Variants in PITRM1 observed in about 807,000 individuals in gnomAD.
PITRM1 encodes the protein pitrilysin metallopeptidase 1.
A neutral mutation model predicts 129.9 loss-of-function variants in PITRM1; 100 were observed. The ratio of observed to expected loss-of-function variants is 0.77; its 90% CI spans 0.65 to 0.91. The LOEUF is 0.91. PITRM1 is among the 40% of genes least tolerant of loss of function. The pLI, the probability that PITRM1 is intolerant of heterozygous loss-of-function variation, is 0.00. For synonymous variants in PITRM1, 591 were observed against 508.8 expected, an observed-to-expected ratio of 1.16 and a Z score of -2.17; for missense variants, 1,471 against 1,318.3, an observed-to-expected ratio of 1.12 and a Z score of -1.79.
At chr10:3,163,910 A>G (rs372065474) in intron 6 of PITRM1, 25 bp from the exon 7 acceptor site, 70 of 1,527,266 alleles carry the variant, frequency 4.6e-5, no homozygotes, top group Non-Finnish European at 6.0e-5. Context: ...TAAATAAATC[A>G]TAAGTATACA....
chr10:3,160,981 G>C (rs977447025), intron 7 of PITRM1, among the ~76,000 whole-genome samples: 3 of 152,024 alleles, frequency 2.0e-5, no homozygotes, highest in African/African-American at 7.3e-5. Context: ...GGCTGGTCTC[G>C]AACTCCTGAC....
upstream of PITRM1, chr10:3,172,826 G>A (rs750811880): frequency 6.6e-7 from 1 of 1,514,742 alleles, no homozygotes; most frequent in Non-Finnish European, 8.9e-7. Context: ...CCGACGCAGG[G>A]CGCGGGGCGG....
intron 13 of PITRM1, among the ~76,000 whole-genome samples, chr10:3,156,131 A>T (rs1841965521): frequency 1.3e-5 from 2 of 152,240 alleles, no homozygotes; most frequent in African/African-American, 4.8e-5. Flanking sequence ...TCTAGCGTTC[A>T]TTCTACTATT....
At chr10:3,152,576 A>T (rs1226511284) in intron 14 of PITRM1, among the ~76,000 whole-genome samples, 2 of 152,218 alleles carry the variant, frequency 1.3e-5, no homozygotes, top group African/African-American at 4.8e-5. Flanking sequence ...CGCAACTGCC[A>T]TCAATAACCA....
intron 16 of PITRM1, 143 bp downstream of exon 16, chr10:3,149,478 A>G (rs1841276247): frequency 1.3e-6 from 1 of 752,466 alleles, no homozygotes; most frequent in Non-Finnish European, 2.0e-6. Flanking sequence ...AAAATTCTAA[A>G]CCAATATATT....
rs1588663643 is a variant in PITRM1, at chr10:3,149,770, G to A, written c.1739-17C>T. 6.2e-7 allele frequency: 1 copy of A among 1,612,888 alleles called. No homozygotes were observed. The highest frequency in any genetic ancestry group is 1.7e-5 in the Admixed American group (1 of 59,976). On this transcript the variant is annotated splice_polypyrimidine_tract_variant and intron_variant, in intron 15 of 26. Transcript: ENST00000224949. The stretch of plus-strand genomic sequence containing the variant: ...TATCTCCAGCTAGAAAAACAAAAGG[G>A]ATTTAATTTTTATTGCTGCCAGTAA...
chr10:3,157,416 T>A lies in PITRM1; in HGVS notation c.1347+19A>T, dbSNP rs1015141544. The A allele has an allele frequency of 2.0e-6, 3 of 1,484,682 alleles. No individual in the cohort carries two copies. Among genetic ancestry groups the A allele is most frequent in the Non-Finnish European group, 2.8e-6 (3 of 1,084,200 alleles). The allele number at this position is 1,484,682 out of a possible 1,614,324, so 92.0% of individuals were successfully genotyped here. A position where few individuals can be genotyped will look rare whatever the true frequency, so the allele number is the denominator to read the frequency against. On this transcript the variant is annotated intron_variant, in intron 12 of 26. Coordinates refer to ENST00000224949, the MANE Select transcript of PITRM1 (RefSeq NM_014889.4). ...TGTCTATTATAAAACAAAAACAAAA[T>A]TGTTGAGAGATCACTTACTGATGTC...
chr10:3,143,677 G>A (rs1271985534), intron 22 of PITRM1, 176 bp from the exon 23 acceptor site: 2 of 711,982 alleles, frequency 2.8e-6, no homozygotes, highest in South Asian at 3.0e-5. Flanking sequence ...AGGTGCTGGG[G>A]CGCGAGAGCA....
At chr10:3,167,064 G>A (rs777028288) in intron 2 of PITRM1, 22 bp from the exon 3 acceptor site, 133 of 1,472,132 alleles carry the variant, frequency 9.0e-5, no homozygotes, top group Non-Finnish European at 1.2e-4. Flanking sequence ...AGAAAAACAC[G>A]ACCAGTTAAA....
intron 24 of PITRM1, among the ~76,000 whole-genome samples, chr10:3,140,114 C>T (rs1053914749): frequency 6.6e-6 from 1 of 152,126 alleles, no homozygotes; most frequent in Non-Finnish European, 1.5e-5. Flanking sequence ...AGATTAGGTG[C>T]AGCAAGATAT....
intron 3 of PITRM1, among the ~76,000 whole-genome samples, chr10:3,166,701 A>G (rs546918473): frequency 4.5e-4 from 69 of 152,356 alleles, no homozygotes; most frequent in African/African-American, 1.6e-3. Flanking sequence ...TGCAGCCCGC[A>G]TGCTCAGGAT....
intron 14 of PITRM1, among the ~76,000 whole-genome samples, chr10:3,153,969 A>C (rs1841748533): frequency 6.6e-6 from 1 of 152,236 alleles, no homozygotes; most frequent in African/African-American, 2.4e-5. Flanking sequence ...CAACTGTGGC[A>C]AGCTATGAAG....
At chr10:3,142,239 C>A (rs917979301) in intron 23 of PITRM1, among the ~76,000 whole-genome samples, 14 of 152,234 alleles carry the variant, frequency 9.2e-5, no homozygotes, top group Non-Finnish European at 2.1e-4. Flanking sequence ...CATACTTCTA[C>A]AGCCAGCTCT....
At position 3,137,904 on chromosome 10, in the gene PITRM1, A is replaced by T. The variant is rs967853098; in HGVS notation, c.*127T>A. The T allele has an allele frequency of 3.2e-6, 2 of 631,308 alleles. No homozygotes were observed. Among genetic ancestry groups the T allele is most frequent in the Non-Finnish European group, 5.6e-6 (2 of 358,200 alleles). The allele number at this position is 631,308 out of a possible 1,614,324, so 39.1% of individuals were successfully genotyped here. On this transcript the variant is annotated 3_prime_UTR_variant, in exon 27 of 27. Coordinates refer to ENST00000224949, the MANE Select transcript of PITRM1 (RefSeq NM_014889.4). ...GATAGATCTGAGTTTTTGACTCGCC[A>T]GTCAAGGGCTTTGGCGACACTCAAT...
chr10:3,138,468 T>TTAGACACATCCCTGTG, intron 25 of PITRM1, 131 bp from the exon 26 acceptor site: 1 of 695,022 alleles, frequency 1.4e-6, no homozygotes, highest in Non-Finnish European at 2.6e-6. Flanking sequence ...CACAGGGATG[T>TTAGACACATCCCTGTG]GTCTAACAAC....
rs1843501487 is a variant in PITRM1, at chr10:3,172,708, G to C, written c.56+9C>G. The C allele has an allele frequency of 6.5e-7, 1 of 1,536,888 alleles. No homozygotes were observed. Among genetic ancestry groups the C allele is most frequent in the Non-Finnish European group, 8.8e-7 (1 of 1,142,278 alleles). ...AGCGCGCCGAGCGCCTCCCGTCGCAGCGTCTCACCCGCCGCTCAGCCGCCT... is the reference window on the plus strand; with the variant it reads ...AGCGCGCCGAGCGCCTCCCGTCGCACCGTCTCACCCGCCGCTCAGCCGCCT... On this transcript the variant is annotated intron_variant, in intron 1 of 26. Transcript: ENST00000224949.
In PITRM1 at chr10:3,166,391, A is replaced by AGAGGAATGGCACTCTAGGGAAGGC; in HGVS notation, c.267-12_267-11insGCCTTCCCTAGAGTGCCATTCCTC. 1.4e-6 allele frequency: 2 copies of AGAGGAATGGCACTCTAGGGAAGGC among 1,394,878 alleles called. No homozygotes were observed. The highest frequency in any genetic ancestry group is 2.0e-6 in the Non-Finnish European group (2 of 999,980). 86.4% of individuals were successfully genotyped at this position (1,394,878 alleles called of 1,614,324 possible). A position where few individuals can be genotyped will look rare whatever the true frequency, so the allele number is the denominator to read the frequency against. ...GTACGGAACTGCACGCTAGGGAAGG[A>AGAGGAATGGCACTCTAGGGAAGGC]GAATGACCAGAACGCAAAAGGTTCA... On this transcript the variant is annotated splice_polypyrimidine_tract_variant and intron_variant, in intron 3 of 26. Transcript: ENST00000224949.
chr10:3,140,935 T>G, intron 23 of PITRM1, 123 bp from the exon 24 acceptor site: 1 of 906,376 alleles, frequency 1.1e-6, no homozygotes, highest in Non-Finnish European at 1.7e-6. Context: ...TAAATTATGG[T>G]CCCATATTTT....
Position 3,145,515 on chromosome 10 carries a change from T to C in PITRM1, c.2457+81A>G, listed in dbSNP as rs767932794. On this transcript the variant is annotated intron_variant, in intron 21 of 26. Transcript: ENST00000224949. ...CCCACATGCTGGACTGCTCTGAGAA[T>C]TGAGTTAATGCGTGTAAAACATGAG... 9.9e-6 allele frequency: 12 copies of C among 1,216,730 alleles called. No individual in the cohort carries two copies. The South Asian group carries it at 1.3e-4, about 14-fold the overall frequency. The allele number at this position is 1,216,730 out of a possible 1,614,324, so 75.4% of individuals were successfully genotyped here.
Sources: allele counts gnomAD v4.1 joint callset (sites outside exome capture counted in the v4.1 genomes callset), GRCh38; gene constraint gnomAD v4.1.1; transcripts MANE v1.5; gene names NCBI Gene and HGNC (gene_info 2026-07-23, HGNC 2026-07-21).